The following LDHAL6B variants were observed in gnomAD, a reference collection of about 807,000 sequenced individuals.
LDHAL6B encodes L-lactate dehydrogenase A-like 6B.
For missense variants in LDHAL6B, 523 were observed against 473.9 expected (o/e 1.10, Z -0.96); for synonymous variants, 205 against 170.6 (o/e 1.20, Z -1.57).
In LDHAL6B at chr15:59,207,755, A is replaced by T. The variant is rs1485856054; in HGVS notation, c.815A>T (p.Asp272Val). The change falls in exon 1 of 1, where the codon GAT (aspartate) becomes GTT (valine). Residue 272 changes from aspartate to valine, a missense_variant. Physicochemically the swap from Asp to Val is radical, Grantham distance 152. Transcript: ENST00000307144. Reference protein sequence around the residue: ...DLNSDIGTDKDPEQWKNVHKE... With the variant: ...DLNSDIGTDKVPEQWKNVHKE... ...AACTCTGATATAGGAACTGATAAAG[A>T]TCCTGAGCAATGGAAAAATGTCCAC... 4 of 1,614,184 alleles carry T rather than the reference A, an allele frequency of 2.5e-6. No individual in the cohort carries two copies. Among genetic ancestry groups the T allele is most frequent in the Non-Finnish European group, 2.5e-6 (3 of 1,180,020 alleles).
Position 59,207,547 on chromosome 15 carries a change from C to G in LDHAL6B, c.607C>G (p.Pro203Ala), listed in dbSNP as rs764189785. 6.2e-7 allele frequency: 1 copy of G among 1,614,062 alleles called. No individual in the cohort carries two copies. Among genetic ancestry groups the G allele is most frequent in the Non-Finnish European group, 8.5e-7 (1 of 1,179,968 alleles). Residue 203 changes from proline to alanine, a missense_variant, in exon 1 of 1, where the codon CCC (proline) becomes GCC (alanine). Pro to Ala is a conservative substitution (Grantham distance 27). Coordinates refer to ENST00000307144, the MANE Select transcript of LDHAL6B (RefSeq NM_033195.3). ...TYVAWKLSAF[P>A]KNRIIGSGCN... ...TGTAGCTTGGAAGTTGAGTGCATTT[C>G]CCAAAAACCGTATTATTGGAAGCGG...
In LDHAL6B at chr15:59,208,163, C is replaced by A; in HGVS notation, c.*77C>A. ...ATTATATAACGAAATTTTGAATAAA[C>A]TTGAATTCCTAAAAGATGGAAACAG... is the stretch of plus-strand genomic sequence containing the variant. On this transcript the variant is annotated 3_prime_UTR_variant, in exon 1 of 1. Transcript: ENST00000307144. The A allele has an allele frequency of 7.7e-7, 1 of 1,297,832 alleles. No homozygotes were observed. The highest frequency in any genetic ancestry group is 1.6e-5 in the South Asian group (1 of 63,264). The allele number at this position is 1,297,832 out of a possible 1,614,324, so 80.4% of individuals were successfully genotyped here.
rs150728276 is a variant in LDHAL6B, at chr15:59,207,428, T to C, written c.488T>C (p.Val163Ala). 244 of 1,614,052 alleles carry C rather than the reference T, an allele frequency of 1.5e-4. 1 individual carries two copies. In the African/African-American group the frequency reaches 3.0e-3, roughly 20 times the overall value. ...ETRLNLVQRN[V>A]AIFKLMISSI... The stretch of plus-strand genomic sequence containing the variant: ...CGCCTTAATTTAGTCCAGCGAAATG[T>C]GGCCATCTTCAAGTTAATGATTTCC... Residue 163 changes from valine to alanine, a missense_variant, in exon 1 of 1, where the codon GTG (valine) becomes GCG (alanine). Transcript: ENST00000307144.
chr15:59,206,996 C>A lies in LDHAL6B; in HGVS notation c.56C>A (p.Ala19Glu), dbSNP rs756417010. ...RASQRVSSVG[A>E]NFLCLGMALC... ...AGCCAGAGAGTGAGCTCGGTGGGAGCGAATTTCCTATGCCTGGGGATGGCC... is the reference window on the plus strand; with the variant it reads ...AGCCAGAGAGTGAGCTCGGTGGGAGAGAATTTCCTATGCCTGGGGATGGCC... The change falls in exon 1 of 1, where the codon GCG becomes GAG. Residue 19 changes from alanine (A) to glutamate (E), a missense_variant. Transcript: ENST00000307144. The A allele has an allele frequency of 3.7e-6, 6 of 1,614,142 alleles. No homozygotes were observed. Among genetic ancestry groups the A allele is most frequent in the South Asian group, 1.1e-5 (1 of 91,074 alleles).
In LDHAL6B at chr15:59,208,482, C is replaced by T; in HGVS notation, c.*396C>T. On this transcript the variant is annotated 3_prime_UTR_variant, in exon 1 of 1. Transcript: ENST00000307144. Reference sequence around the variant, plus strand: ...TGCTGTAAAAAAGTAGTAGCTTCTTCTACAATGTAAAAATAAATGTACATA... The same window carrying T: ...TGCTGTAAAAAAGTAGTAGCTTCTTTTACAATGTAAAAATAAATGTACATA... The T allele has an allele frequency of 1.5e-6, 1 of 665,824 alleles. No individual in the cohort carries two copies. Among genetic ancestry groups the T allele is most frequent in the Non-Finnish European group, 2.6e-6 (1 of 383,366 alleles). 41.2% of individuals were successfully genotyped at this position (665,824 alleles called of 1,614,324 possible). A position where few individuals can be genotyped will look rare whatever the true frequency, so the allele number is the denominator to read the frequency against.
chr15:59,208,363 T>G lies in LDHAL6B; in HGVS notation c.*277T>G. 1.8e-6 allele frequency: 1 copy of G among 555,462 alleles called. No individual in the cohort carries two copies. Among genetic ancestry groups the G allele is most frequent in the Non-Finnish European group, 3.2e-6 (1 of 308,824 alleles). The allele number at this position is 555,462 out of a possible 1,614,324, so 34.4% of individuals were successfully genotyped here. A position where few individuals can be genotyped will look rare whatever the true frequency, so the allele number is the denominator to read the frequency against. On this transcript the variant is annotated 3_prime_UTR_variant, in exon 1 of 1. Transcript: ENST00000307144. ...CATTTGGTTCCCAAAAAGTAGGATG[T>G]AGGTATTTATTGTGTTCTAGAAATT...
Position 59,208,540 on chromosome 15 carries a change from T to C in LDHAL6B, c.*454T>C. 9.4e-7 allele frequency: 1 copy of C among 1,058,680 alleles called. No individual in the cohort carries two copies. Among genetic ancestry groups the C allele is most frequent in the Non-Finnish European group, 1.4e-6 (1 of 693,264 alleles). The allele number at this position is 1,058,680 out of a possible 1,614,324, so 65.6% of individuals were successfully genotyped here. A position where few individuals can be genotyped will look rare whatever the true frequency, so the allele number is the denominator to read the frequency against. On this transcript the variant is annotated 3_prime_UTR_variant, in exon 1 of 1. Transcript: ENST00000307144. ...ATGCAGTAGTATATACAATCTTTTG[T>C]TTTGCTTCCTTTGATAGTTAATAAA...
rs1248564693 is a variant in LDHAL6B, at chr15:59,208,216, T to C, written c.*130T>C. On this transcript the variant is annotated 3_prime_UTR_variant, in exon 1 of 1. Transcript: ENST00000307144. ...AAGTAGGTAGAGTGATTTTCCTATT[T>C]ATTTAGTCCTCCAGCTCTTTTATTG... 1.2e-6 allele frequency: 1 copy of C among 805,770 alleles called. No individual in the cohort carries two copies. The highest frequency in any genetic ancestry group is 1.8e-5 in the African/African-American group (1 of 56,924). 49.9% of individuals were successfully genotyped at this position (805,770 alleles called of 1,614,324 possible).
At position 59,207,577 on chromosome 15, in the gene LDHAL6B, A is replaced by C. The variant is rs1275891869; in HGVS notation, c.637A>C (p.Asn213His). The C allele has an allele frequency of 5.0e-6, 8 of 1,614,018 alleles. No homozygotes were observed. Among genetic ancestry groups the C allele is most frequent in the Admixed American group, 1.7e-5 (1 of 59,994 alleles). Residue 213 changes from asparagine (N) to histidine (H), a missense_variant, in exon 1 of 1, where the codon AAT becomes CAT. Asn to His is a moderately conservative substitution (Grantham distance 68). Coordinates refer to ENST00000307144, the MANE Select transcript of LDHAL6B (RefSeq NM_033195.3). ...AAACCGTATTATTGGAAGCGGCTGT[A>C]ATCTGGATACTGCTCGTTTTCGTTT... ...PKNRIIGSGC[N>H]LDTARFRFLI...
rs2079855545 is a variant in LDHAL6B, at chr15:59,208,538, T to C, written c.*452T>C. 1.9e-6 allele frequency: 2 copies of C among 1,032,654 alleles called. No individual in the cohort carries two copies. 64.0% of individuals were successfully genotyped at this position (1,032,654 alleles called of 1,614,324 possible). On this transcript the variant is annotated 3_prime_UTR_variant, in exon 1 of 1. Transcript: ENST00000307144. ...AAATGCAGTAGTATATACAATCTTT[T>C]GTTTTGCTTCCTTTGATAGTTAATA... is the stretch of plus-strand genomic sequence containing the variant.
Position 59,207,014 on chromosome 15 carries a change from G to A in LDHAL6B, c.74G>A (p.Gly25Glu), listed in dbSNP as rs745340906. 3.1e-6 allele frequency: 5 copies of A among 1,614,112 alleles called. No homozygotes were observed. The highest frequency in any genetic ancestry group is 1.3e-5 in the African/African-American group (1 of 74,954). ...GTGGGAGCGAATTTCCTATGCCTGGGGATGGCCCTGTGTCCGCGTCAAGCA... is the reference window on the plus strand; with the variant it reads ...GTGGGAGCGAATTTCCTATGCCTGGAGATGGCCCTGTGTCCGCGTCAAGCA... Reference protein sequence around the residue: ...SSVGANFLCLGMALCPRQATR... With the variant: ...SSVGANFLCLEMALCPRQATR... The change falls in exon 1 of 1, where the codon GGG (glycine) becomes GAG (glutamate). Residue 25 changes from glycine (G) to glutamate (E), a missense_variant. Coordinates refer to ENST00000307144, the MANE Select transcript of LDHAL6B (RefSeq NM_033195.3).
In LDHAL6B at chr15:59,208,434, G is replaced by A. The variant is rs1285162341; in HGVS notation, c.*348G>A. The stretch of plus-strand genomic sequence containing the variant: ...TATGCTATTTCTTTCATTCTTGCTG[G>A]TTTATACCTATGTTCATTTATATGC... On this transcript the variant is annotated 3_prime_UTR_variant, in exon 1 of 1. Transcript: ENST00000307144. 7 of 596,072 alleles carry A rather than the reference G, an allele frequency of 1.2e-5. No homozygotes were observed. The highest frequency in any genetic ancestry group is 2.1e-5 in the Non-Finnish European group (7 of 331,148). 36.9% of individuals were successfully genotyped at this position (596,072 alleles called of 1,614,324 possible).
rs755686610 is a variant in LDHAL6B, at chr15:59,207,571, G to A, written c.631G>A (p.Gly211Ser). Reference protein sequence around the residue: ...AFPKNRIIGSGCNLDTARFRF... With the variant: ...AFPKNRIIGSSCNLDTARFRF... ...TCCCAAAAACCGTATTATTGGAAGC[G>A]GCTGTAATCTGGATACTGCTCGTTT... The change falls in exon 1 of 1, where the codon GGC (glycine) becomes AGC (serine). Residue 211 changes from glycine (G) to serine (S), a missense_variant. Coordinates refer to ENST00000307144, the MANE Select transcript of LDHAL6B (RefSeq NM_033195.3). The A allele has an allele frequency of 1.4e-5, 22 of 1,613,914 alleles. No homozygotes were observed. In the Middle Eastern group the frequency reaches 8.2e-4, roughly 60 times the overall value.
rs1417570452 is a variant in LDHAL6B, at chr15:59,208,381, T to C, written c.*295T>C. On this transcript the variant is annotated 3_prime_UTR_variant, in exon 1 of 1. Transcript: ENST00000307144. ...TAGGATGTAGGTATTTATTGTGTTC[T>C]AGAAATTCCGACTCTTTTCATTAGA... 1.8e-6 allele frequency: 1 copy of C among 561,062 alleles called. No individual in the cohort carries two copies. The highest frequency in any genetic ancestry group is 3.2e-6 in the Non-Finnish European group (1 of 311,160). The allele number at this position is 561,062 out of a possible 1,614,324, so 34.8% of individuals were successfully genotyped here.
rs752489573 is a variant in LDHAL6B, at chr15:59,207,961, C to T, written c.1021C>T (p.Pro341Ser). The T allele has an allele frequency of 4.3e-6, 7 of 1,613,936 alleles. No homozygotes were observed. Among genetic ancestry groups the T allele is most frequent in the African/African-American group, 1.3e-5 (1 of 74,920 alleles). Residue 341 changes from proline to serine, a missense_variant, in exon 1 of 1, where the codon CCT becomes TCT. Transcript: ENST00000307144. The stretch of plus-strand genomic sequence containing the variant: ...AGATGAAGAAGTATTCCTCAGTATT[C>T]CTTGTATCCTGGGAGAGAACGGTAT... ...GIDEEVFLSIPCILGENGITN... is the reference protein window; with the variant it reads ...GIDEEVFLSISCILGENGITN...
rs192955192 is a variant in LDHAL6B at position 59,207,570 on chromosome 15, C to T, written c.630C>T (p.Ser210=). ...SAFPKNRIIG[S]GCNLDTARFR... is the part of the protein sequence containing the mutation. ...TTCCCAAAAACCGTATTATTGGAAG[C>T]GGCTGTAATCTGGATACTGCTCGTT... The change falls in exon 1 of 1, where the codon AGC becomes AGT. Residue 210 remains serine (S), a synonymous_variant. Transcript: ENST00000307144. 39 of 1,614,018 alleles carry T rather than the reference C, an allele frequency of 2.4e-5. No individual in the cohort carries two copies. The Middle Eastern group carries it at 1.8e-3, about 75-fold the overall frequency.
rs138005367 is a variant in LDHAL6B at position 59,207,982 on chromosome 15, G to A, written c.1042G>A (p.Gly348Ser). 5.6e-6 allele frequency: 9 copies of A among 1,613,900 alleles called. No homozygotes were observed. Among genetic ancestry groups the A allele is most frequent in the South Asian group, 2.2e-5 (2 of 91,044 alleles). ...TATTCCTTGTATCCTGGGAGAGAACGGTATTACCAACCTTATAAAGATAAA... is the reference window on the plus strand; with the variant it reads ...TATTCCTTGTATCCTGGGAGAGAACAGTATTACCAACCTTATAAAGATAAA... ...LSIPCILGEN[G>S]ITNLIKIKLT... is the part of the protein sequence containing the mutation. Residue 348 changes from glycine (G) to serine (S), a missense_variant, in exon 1 of 1, where the codon GGT becomes AGT. By Grantham distance (56) the Gly-to-Ser change is moderately conservative (BLOSUM62 0). Transcript: ENST00000307144.
rs779180252 is a variant in LDHAL6B, at chr15:59,207,914, T to C, written c.974T>C (p.Ile325Thr). Residue 325 changes from isoleucine (I) to threonine (T), a missense_variant, in exon 1 of 1, where the codon ATA (isoleucine) becomes ACA (threonine). Transcript: ENST00000307144. ...NLRRIHPVST[I>T]IKGLYGIDEE... ...AGGAGAATACATCCAGTTTCCACCA[T>C]AATTAAGGGCCTCTATGGAATAGAT... is the stretch of plus-strand genomic sequence containing the variant. The C allele has an allele frequency of 5.6e-6, 9 of 1,614,066 alleles. No individual in the cohort carries two copies. The South Asian group carries it at 8.8e-5, about 16-fold the overall frequency.
At position 59,208,239 on chromosome 15, in the gene LDHAL6B, T is replaced by C. The variant is rs1448764458; in HGVS notation, c.*153T>C. On this transcript the variant is annotated 3_prime_UTR_variant, in exon 1 of 1. Transcript: ENST00000307144. ...TTTATTTAGTCCTCCAGCTCTTTTA[T>C]TGAGCATCCACGTGCTGGACGATAC... The C allele has an allele frequency of 1.0e-5, 7 of 700,688 alleles. No homozygotes were observed. In the East Asian group the frequency reaches 1.1e-4, roughly 11 times the overall value. 43.4% of individuals were successfully genotyped at this position (700,688 alleles called of 1,614,324 possible). A position where few individuals can be genotyped will look rare whatever the true frequency, so the allele number is the denominator to read the frequency against.
Sources: gnomAD v4.1 joint callset for allele counts on GRCh38, gnomAD v4.1.1 for gene constraint, MANE v1.5 for transcripts, NCBI Gene and HGNC (gene_info 2026-07-23, HGNC 2026-07-21) for gene names.